The following ARHGAP15 variants were observed in gnomAD, a reference collection of about 807,000 sequenced individuals.
ARHGAP15 encodes rho GTPase-activating protein 15.
In ARHGAP15, 51 loss-of-function variants were observed where a neutral mutation model predicts 63.7. That is an observed-to-expected ratio of 0.80 (90% CI 0.64 to 1.01). The LOEUF (loss-of-function observed/expected upper bound fraction) is 1.01, where lower values mean the gene tolerates loss of function less well. Ranked by LOEUF, ARHGAP15 falls within the 50% of genes least tolerant of loss-of-function variation. The probability of loss-of-function intolerance (pLI) is 0.00; values close to 1 mark genes in which losing one functional copy is unlikely to be tolerated. For missense variants in ARHGAP15, 560 were observed against 564.6 expected (o/e 0.99, Z 0.08); for synonymous variants, 191 against 193.8 (o/e 0.99, Z 0.12).
chr2:143,520,317 T>A (rs1022183062), intron 10 of ARHGAP15, among the ~76,000 whole-genome samples: 54 of 152,192 alleles, frequency 3.5e-4, no homozygotes, highest in African/African-American at 1.3e-3. Flanking sequence ...GGCTTTATTA[T>A]AAAAGCATAA....
chr2:143,655,668 G>C (rs1002754137), intron 12 of ARHGAP15, among the ~76,000 whole-genome samples: 8 of 152,108 alleles, frequency 5.3e-5, no homozygotes, highest in Non-Finnish European at 2.9e-5. Flanking sequence ...GTGGTATGAA[G>C]GACTTTACTA....
At chr2:143,467,605 A>G (rs902700287) in intron 8 of ARHGAP15, among the ~76,000 whole-genome samples, 1 of 152,124 alleles carries the variant, frequency 6.6e-6, no homozygotes, top group Non-Finnish European at 1.5e-5. Flanking sequence ...CTTCCATCAT[A>G]AGGATTGACT....
chr2:143,286,303 C>A (rs1399210039), intron 6 of ARHGAP15, among the ~76,000 whole-genome samples: 1 of 152,152 alleles, frequency 6.6e-6, no homozygotes, highest in Non-Finnish European at 1.5e-5. Context: ...GAATGCCAGC[C>A]AGAGTGTTAT....
At chr2:143,347,957 G>C (rs1274382055) in intron 6 of ARHGAP15, among the ~76,000 whole-genome samples, 1 of 151,708 alleles carries the variant, frequency 6.6e-6, no homozygotes, top group Non-Finnish European at 1.5e-5. Flanking sequence ...AAGTTATTTT[G>C]TGTGAGCCCA....
At chr2:143,359,397 C>A (rs1308511694) in intron 6 of ARHGAP15, among the ~76,000 whole-genome samples, 2 of 152,128 alleles carry the variant, frequency 1.3e-5, no homozygotes, top group African/African-American at 4.8e-5. Flanking sequence ...ATCATCAACA[C>A]CTTTCATAAT....
intron 12 of ARHGAP15, among the ~76,000 whole-genome samples, chr2:143,630,068 G>A (rs187018472): frequency 4.3e-4 from 65 of 152,040 alleles, no homozygotes; most frequent in African/African-American, 1.5e-3. Flanking sequence ...TCTTATATAA[G>A]ACTACAAGCA....
intron 2 of ARHGAP15, among the ~76,000 whole-genome samples, chr2:143,158,098 G>A (rs181971001): frequency 8.0e-4 from 121 of 151,836 alleles, no homozygotes; most frequent in Middle Eastern, 3.4e-3. Context: ...ATGACTTACT[G>A]GACTATATAA....
chr2:143,626,115 G>A (rs1329251455), intron 12 of ARHGAP15, among the ~76,000 whole-genome samples: 7 of 152,068 alleles, frequency 4.6e-5, no homozygotes, highest in East Asian at 1.9e-4. Context: ...TGGTAAGAAC[G>A]GAACATGGCA....
chr2:143,248,698 C>T (rs974323323), intron 5 of ARHGAP15, among the ~76,000 whole-genome samples: 1 of 152,146 alleles, frequency 6.6e-6, no homozygotes, highest in African/African-American at 2.4e-5. Context: ...CATGTGTTAG[C>T]CACAGTGCTG....
chr2:143,704,486 C>T (rs571329554), intron 13 of ARHGAP15, among the ~76,000 whole-genome samples: 1 of 152,188 alleles, frequency 6.6e-6, no homozygotes, highest in African/African-American at 2.4e-5. Flanking sequence ...TGGGTTTCAA[C>T]TTGGGCAAGT....
chr2:143,460,671 A>C (rs1213775568), intron 8 of ARHGAP15, among the ~76,000 whole-genome samples: 5 of 152,150 alleles, frequency 3.3e-5, no homozygotes, highest in African/African-American at 1.2e-4. Context: ...TTATCCAAGA[A>C]GTGATATAAT....
intron 9 of ARHGAP15, among the ~76,000 whole-genome samples, chr2:143,514,915 C>T (rs1168666440): frequency 6.6e-6 from 1 of 152,140 alleles, no homozygotes; most frequent in Admixed American, 6.5e-5. Context: ...CACATTTCCA[C>T]TCACATCATT....
intron 8 of ARHGAP15, among the ~76,000 whole-genome samples, chr2:143,468,453 G>C (rs1406504851): frequency 6.6e-6 from 1 of 152,016 alleles, no homozygotes; most frequent in African/African-American, 2.4e-5. Flanking sequence ...TGGTTCCAGG[G>C]TTTCATAAAC....
At chr2:143,696,275 A>G (rs974187735) in intron 12 of ARHGAP15, among the ~76,000 whole-genome samples, 3 of 151,988 alleles carry the variant, frequency 2.0e-5, no homozygotes, top group Admixed American at 6.6e-5. Flanking sequence ...GCCCCTCCAG[A>G]TTGTAAAATG....
At chr2:143,159,825 T>C (rs1163494546) in intron 2 of ARHGAP15, among the ~76,000 whole-genome samples, 1 of 151,962 alleles carries the variant, frequency 6.6e-6, no homozygotes, top group Admixed American at 6.6e-5. Flanking sequence ...TCTAAAATTG[T>C]TTTTAGTTTG....
intron 8 of ARHGAP15, among the ~76,000 whole-genome samples, chr2:143,437,598 A>C (rs1261731745): frequency 6.6e-6 from 1 of 152,182 alleles, no homozygotes; most frequent in Non-Finnish European, 1.5e-5. Flanking sequence ...GAATGGTCTC[A>C]CTACTTACAC....
At chr2:143,461,976 A>T (rs189943713) in intron 8 of ARHGAP15, among the ~76,000 whole-genome samples, 2 of 152,128 alleles carry the variant, frequency 1.3e-5, no homozygotes, top group East Asian at 3.9e-4. Context: ...AACATGGCAA[A>T]ACCCCATCTC....
chr2:143,718,281 A>G (rs1027811193), intron 13 of ARHGAP15, among the ~76,000 whole-genome samples: 2 of 152,198 alleles, frequency 1.3e-5, no homozygotes, highest in Non-Finnish European at 2.9e-5. Context: ...GAAGCAGTAC[A>G]TAACTAGAAC....
chr2:143,751,899 CTT>C (rs920616904), intron 13 of ARHGAP15, among the ~76,000 whole-genome samples: 2 of 152,206 alleles, frequency 1.3e-5, no homozygotes, highest in Non-Finnish European at 2.9e-5. Flanking sequence ...GATGGTGACT[CTT>C]TGCCTTGACT....
Sources: gnomAD v4.1 joint callset for allele counts (sites outside exome capture counted in the v4.1 genomes callset) on GRCh38, gnomAD v4.1.1 for gene constraint, MANE v1.5 for transcripts, NCBI Gene and HGNC (gene_info 2026-07-23, HGNC 2026-07-21) for gene names.